FAM20B: variants seen among roughly 807,000 people sequenced by gnomAD.
The protein encoded by FAM20B is glycosaminoglycan xylosylkinase.
In FAM20B, 23 loss-of-function variants were observed where a neutral mutation model predicts 43.8. That is an observed-to-expected ratio of 0.53 (90% CI 0.38 to 0.74). The LOEUF is 0.74. Ranked by LOEUF, FAM20B falls within the 30% of genes least tolerant of loss-of-function variation. The probability of loss-of-function intolerance (pLI) is 0.00; values close to 1 mark genes in which losing one functional copy is unlikely to be tolerated. For missense variants in FAM20B, 440 were observed against 510.5 expected (o/e 0.86, Z 1.33); for synonymous variants, 178 against 192.4 (o/e 0.93, Z 0.62).
At chr1:179,054,035 A>G (rs1326061663) in intron 3 of FAM20B, among the ~76,000 whole-genome samples, 1 of 150,890 alleles carries the variant, frequency 6.6e-6, no homozygotes, top group African/African-American at 2.4e-5. Flanking sequence ...TCAACCTTTT[A>G]GATTATTAGA....
chr1:179,040,199 C>G (rs1650427434), intron 1 of FAM20B, among the ~76,000 whole-genome samples: 1 of 152,368 alleles, frequency 6.6e-6, no homozygotes, highest in Admixed American at 6.5e-5. Flanking sequence ...CCTTTCTACT[C>G]CACAAAACCG....
At chr1:179,053,129 C>G (rs1215492505) in intron 3 of FAM20B, among the ~76,000 whole-genome samples, 2 of 152,100 alleles carry the variant, frequency 1.3e-5, no homozygotes, top group African/African-American at 4.8e-5. Context: ...TTTAAAAGTC[C>G]TTCCCTACCT....
chr1:179,045,658 A>G (rs1275173194), intron 2 of FAM20B, among the ~76,000 whole-genome samples: 2 of 152,188 alleles, frequency 1.3e-5, no homozygotes, highest in African/African-American at 4.8e-5. Flanking sequence ...TAATCCCAGC[A>G]CTTGGGGAGG....
chr1:179,019,539 C>T, the FAM20B span, among the ~76,000 whole-genome samples: 4 of 151,588 alleles, frequency 2.6e-5, no homozygotes, highest in South Asian at 2.1e-4. Context: ...CTTGGCTCAC[C>T]GCAACCTCTC....
chr1:179,056,263 C>G (rs562496991), intron 4 of FAM20B, among the ~76,000 whole-genome samples: 1 of 152,182 alleles, frequency 6.6e-6, no homozygotes, highest in Admixed American at 6.5e-5. Context: ...TTTCACTGAT[C>G]TAAAAATCCT....
intron 7 of FAM20B, among the ~76,000 whole-genome samples, chr1:179,068,666 C>T (rs1280791500): frequency 2.6e-5 from 4 of 152,132 alleles, no homozygotes; most frequent in Middle Eastern, 6.8e-3. Context: ...GAACTCCTGA[C>T]CTTGTGATCT....
upstream of FAM20B, among the ~76,000 whole-genome samples, chr1:179,024,180 G>A (rs181325840): frequency 3.2e-4 from 49 of 152,312 alleles, no homozygotes; most frequent in South Asian, 3.7e-3. Context: ...ATGGATAGAT[G>A]GATGCGAAAT....
At position 179,054,559 on chromosome 1, in the gene FAM20B, A is replaced by G. The variant is rs778310707; in HGVS notation, c.495A>G (p.Val165=). The change falls in exon 4 of 8, where the codon GTA becomes GTG. Residue 165 remains valine (V), a synonymous_variant. Coordinates refer to ENST00000263733, the MANE Select transcript of FAM20B (RefSeq NM_014864.4). ...RILGFHRAPL[V]VGRFVNLRTE... ...TGGGTTTCCACCGAGCCCCCTTGGTAGTTGGCAGATTTGTTAATCTTCGGA... is the reference window on the plus strand; with the variant it reads ...TGGGTTTCCACCGAGCCCCCTTGGTGGTTGGCAGATTTGTTAATCTTCGGA... The G allele has an allele frequency of 2.5e-6, 4 of 1,613,124 alleles. No homozygotes were observed. Among genetic ancestry groups the G allele is most frequent in the Non-Finnish European group, 3.4e-6 (4 of 1,179,260 alleles).
At chr1:179,035,567 G>A (rs1650191160) in intron 1 of FAM20B, 6 of 634,418 alleles carry the variant, frequency 9.5e-6, no homozygotes, top group African/African-American at 1.8e-5. Flanking sequence ...CCTTAGGCAC[G>A]CATCAGGCAC....
chr1:179,036,306 T>C (rs538337093), intron 1 of FAM20B, among the ~76,000 whole-genome samples: 14 of 152,158 alleles, frequency 9.2e-5, no homozygotes, highest in Non-Finnish European at 1.8e-4. Context: ...AGATATGCCA[T>C]TTGTACTGCC....
the FAM20B span, among the ~76,000 whole-genome samples, chr1:179,020,526 C>T: frequency 2.6e-5 from 4 of 152,236 alleles, no homozygotes; most frequent in African/African-American, 7.2e-5. Context: ...AAAATAAAAC[C>T]CAATTGCCTG....
intron 4 of FAM20B, among the ~76,000 whole-genome samples, chr1:179,057,284 G>A (rs1454827715): frequency 6.6e-6 from 1 of 152,168 alleles, no homozygotes; most frequent in African/African-American, 2.4e-5. Context: ...GACAGAGGTT[G>A]CAGTAAGCTG....
chr1:179,039,443 A>C (rs943326770), intron 1 of FAM20B, among the ~76,000 whole-genome samples: 6 of 152,208 alleles, frequency 3.9e-5, no homozygotes, highest in Non-Finnish European at 5.9e-5. Flanking sequence ...TTCCAGACGT[A>C]GTAGTGCTGC....
At position 179,070,207 on chromosome 1, in the gene FAM20B, G is replaced by A. The variant is rs147267663; in HGVS notation, c.999-1706G>A. 1.1e-3 allele frequency among the ~76,000 whole-genome samples: 170 copies of A among 151,554 alleles called. 2 individuals carry two copies. Among genetic ancestry groups the A allele is most frequent in the African/African-American group, 3.9e-3 (162 of 41,314 alleles). On this transcript the variant is annotated intron_variant, in intron 7 of 7. Transcript: ENST00000263733. ...ATTACAGGCATGTACCACCATGCCC[G>A]GGTAATTTTTGTATTTTTAGGAGAG...
At chr1:179,071,300 A>T (rs963844122) in intron 7 of FAM20B, among the ~76,000 whole-genome samples, 6 of 152,026 alleles carry the variant, frequency 3.9e-5, no homozygotes, top group African/African-American at 7.2e-5. Flanking sequence ...TGTCTCAAAA[A>T]AAAAATAATA....
Position 179,066,792 on chromosome 1 carries a change from AT to A in FAM20B, c.939-4del. 1 of 1,604,622 alleles carries A rather than the reference AT, an allele frequency of 6.2e-7. No individual in the cohort carries two copies. The highest frequency in any genetic ancestry group is 8.5e-7 in the Non-Finnish European group (1 of 1,171,454). ...ACCTAATTCACTAAGTTTTAATTTA[AT>A]TTTCAGCTTTGGGAACCCCTCGCTG... On this transcript the variant is annotated splice_polypyrimidine_tract_variant and splice_region_variant and intron_variant, in intron 6 of 7. Coordinates refer to ENST00000263733, the MANE Select transcript of FAM20B (RefSeq NM_014864.4).
At position 179,064,021 on chromosome 1, in the gene FAM20B, T is replaced by C. The variant is rs1324418249; in HGVS notation, c.669T>C (p.Leu223=). The C allele has an allele frequency of 6.2e-7, 1 of 1,614,050 alleles. No homozygotes were observed. Among genetic ancestry groups the C allele is most frequent in the South Asian group, 1.1e-5 (1 of 91,078 alleles). ...DGDIMEGSVT[L]WLPDVWPLQK... is the part of the protein sequence containing the mutation. ...ACATAATGGAGGGATCTGTCACACT[T>C]TGGCTTCCAGATGTGTGGCCTCTGC... The change falls in exon 5 of 8, where the codon CTT becomes CTC. Residue 223 remains leucine, a synonymous_variant. Transcript: ENST00000263733.
At position 179,050,593 on chromosome 1, in the gene FAM20B, C is replaced by G. The variant is rs182090310; in HGVS notation, c.464+228C>G. Among the ~76,000 whole-genome samples the G allele has an allele frequency of 1.1e-3, 167 of 152,274 alleles. 1 individual carries two copies. Among genetic ancestry groups the G allele is most frequent in the South Asian group, 1.7e-3 (8 of 4,822 alleles). ...CATGCTTCTTTAGGTCATTTCATTT[C>G]TGGCCTGCTCTGTTATTATCATCAG... On this transcript the variant is annotated intron_variant, in intron 3 of 7. Transcript: ENST00000263733.
upstream of FAM20B, chr1:179,025,769 G>A (rs576978429): frequency 1.3e-5 from 2 of 151,432 alleles, no homozygotes; most frequent in South Asian, 2.1e-4. Flanking sequence ...AGTCCGGAGC[G>A]GGTCCGGTAG....
Sources: gnomAD v4.1 joint callset for allele counts (sites outside exome capture counted in the v4.1 genomes callset) on GRCh38, gnomAD v4.1.1 for gene constraint, MANE v1.5 for transcripts, NCBI Gene and HGNC (gene_info 2026-07-23, HGNC 2026-07-21) for gene names.